GPR89B: variants seen among roughly 807,000 people sequenced by gnomAD.
GPR89B encodes the protein G protein-coupled receptor 89B.
In GPR89B, 25 loss-of-function variants were observed where a neutral mutation model predicts 52.4. That is an observed-to-expected ratio of 0.48 (90% CI 0.35 to 0.67). The LOEUF is 0.67. Ranked by LOEUF, GPR89B falls within the 30% of genes least tolerant of loss-of-function variation. The pLI, the probability that GPR89B is intolerant of heterozygous loss-of-function variation, is 0.01. For missense variants in GPR89B, 146 were observed against 450.2 expected, an observed-to-expected ratio of 0.32 and a Z score of 6.11; for synonymous variants, 52 against 151.2, an observed-to-expected ratio of 0.34 and a Z score of 4.81.
At chr1:148,004,266 C>T in the GPR89B span, among the ~76,000 whole-genome samples, 2 of 151,598 alleles carry the variant, frequency 1.3e-5, no homozygotes, top group African/African-American at 4.8e-5. Flanking sequence ...ACGCCATTCT[C>T]CTGCCTCAGC....
intron 5 of GPR89B, among the ~76,000 whole-genome samples, chr1:147,950,342 CG>C (rs1231027264): frequency 4.0e-5 from 6 of 150,598 alleles, no homozygotes; most frequent in Non-Finnish European, 7.4e-5. Context: ...GATGGGCGGC[CG>C]GGCAGAGACG....
chr1:148,010,206 C>T, the GPR89B span: 3 of 152,280 alleles, frequency 2.0e-5, no homozygotes, highest in Non-Finnish European at 2.9e-5. Flanking sequence ...CCTAAACCTT[C>T]TGTTGTTTGC....
At chr1:147,932,743 T>A (rs1178512397) in intron 1 of GPR89B, among the ~76,000 whole-genome samples, 12 of 152,114 alleles carry the variant, frequency 7.9e-5, no homozygotes, top group Admixed American at 7.2e-4. Flanking sequence ...GAAAACGGGG[T>A]TCCCCTACTC....
At chr1:147,976,044 C>T (rs1476174802) in intron 10 of GPR89B, among the ~76,000 whole-genome samples, 1 of 152,252 alleles carries the variant, frequency 6.6e-6, no homozygotes, top group Non-Finnish European at 1.5e-5. Flanking sequence ...AGTTCTTTTG[C>T]ATTTGCTGAG....
chr1:148,004,249 C>T, the GPR89B span, among the ~76,000 whole-genome samples: 5 of 151,188 alleles, frequency 3.3e-5, no homozygotes, highest in Non-Finnish European at 5.9e-5. Flanking sequence ...CTCTGCCTCC[C>T]GGGTTCACGC....
intron 5 of GPR89B, among the ~76,000 whole-genome samples, chr1:147,951,196 T>C (rs1655663535): frequency 1.3e-5 from 2 of 151,518 alleles, no homozygotes; most frequent in African/African-American, 4.9e-5. Context: ...TTAACCTCTC[T>C]GTGCCTCCAT....
At chr1:147,990,945 C>G (rs1483141852) in intron 12 of GPR89B, among the ~76,000 whole-genome samples, 1 of 151,602 alleles carries the variant, frequency 6.6e-6, no homozygotes, top group Non-Finnish European at 1.5e-5. Flanking sequence ...CTTTTTGGTT[C>G]CATATGAACT....
At chr1:147,933,991 C>T (rs1455003121) in intron 1 of GPR89B, among the ~76,000 whole-genome samples, 1 of 151,550 alleles carries the variant, frequency 6.6e-6, no homozygotes, top group African/African-American at 2.4e-5. Context: ...ATCCACTCCT[C>T]CTGTCTAGCC....
chr1:147,995,777 C>G, downstream of GPR89B: 1 of 1,595,068 alleles, frequency 6.3e-7, no homozygotes, highest in Admixed American at 1.7e-5. Flanking sequence ...GCTCTGGATT[C>G]TATCCACCAC....
chr1:148,021,281 G>T, the GPR89B span, among the ~76,000 whole-genome samples: 3 of 151,410 alleles, frequency 2.0e-5, no homozygotes, highest in East Asian at 3.9e-4. Context: ...GGCGGGCGGA[G>T]CACGAGGTCA....
At chr1:147,971,191 C>T (rs2149079040) in intron 10 of GPR89B, among the ~76,000 whole-genome samples, 1 of 151,266 alleles carries the variant, frequency 6.6e-6, no homozygotes, top group Middle Eastern at 3.4e-3. Flanking sequence ...ACTCTGTCAC[C>T]CAAGCTGTAG....
the GPR89B span, among the ~76,000 whole-genome samples, chr1:148,003,098 A>G: frequency 6.6e-6 from 1 of 152,236 alleles, no homozygotes; most frequent in Non-Finnish European, 1.5e-5. Flanking sequence ...TGTCTGCTTC[A>G]TATGATATTC....
intron 10 of GPR89B, among the ~76,000 whole-genome samples, chr1:147,977,916 C>T (rs1381029914): frequency 6.6e-6 from 1 of 151,834 alleles, no homozygotes; most frequent in African/African-American, 2.4e-5. Flanking sequence ...GGCTTCTTTG[C>T]ATTGGGTTAG....
At position 147,983,882 on chromosome 1, in the gene GPR89B, G is replaced by A. The variant is rs1199971228; in HGVS notation, c.910-2317G>A. Among the ~76,000 whole-genome samples the A allele has an allele frequency of 4.2e-4, 64 of 151,728 alleles. No individual in the cohort carries two copies. The East Asian group carries it at 0.011, about 25-fold the overall frequency. On this transcript the variant is annotated intron_variant, in intron 10 of 13. Transcript: ENST00000314163. ...GCTATAAAGACACATGCACACGTAT[G>A]TTTATTGTGGCACTATTCACAATAG...
At chr1:147,997,940 G>A (rs1308920515), downstream of GPR89B, among the ~76,000 whole-genome samples, 1 of 152,146 alleles carries the variant, frequency 6.6e-6, no homozygotes, top group Non-Finnish European at 1.5e-5. Flanking sequence ...AGCATTAGCT[G>A]TCACTTCTAT....
chr1:147,982,132 T>C (rs1658300829), intron 10 of GPR89B, among the ~76,000 whole-genome samples: 1 of 151,920 alleles, frequency 6.6e-6, no homozygotes. Context: ...CAGTCTCAGC[T>C]CACTGCAACT....
chr1:148,018,144 C>T, the GPR89B span, among the ~76,000 whole-genome samples: 2 of 145,750 alleles, frequency 1.4e-5, no homozygotes, highest in African/African-American at 2.7e-5. Context: ...AGAGGCCGGG[C>T]GCGGTGGGTC....
At chr1:148,015,293 A>ATCTC in the GPR89B span, among the ~76,000 whole-genome samples, 9,176 of 69,660 alleles carry the variant, frequency 0.13, 1,019 homozygotes, top group East Asian at 0.15. Context: ...GGATTCTAGG[A>ATCTC]TCTCTCTCTC....
chr1:147,945,366 T>G (rs1654880680), intron 5 of GPR89B, among the ~76,000 whole-genome samples: 1 of 150,614 alleles, frequency 6.6e-6, no homozygotes, highest in Non-Finnish European at 1.5e-5. Flanking sequence ...GATATTGGAA[T>G]TAATGTTGAA....
Sources: gnomAD v4.1 joint callset for allele counts (sites outside exome capture counted in the v4.1 genomes callset) on GRCh38, gnomAD v4.1.1 for gene constraint, MANE v1.5 for transcripts, NCBI Gene and HGNC (gene_info 2026-07-23, HGNC 2026-07-21) for gene names.